Variants in SHISA9 observed in about 807,000 individuals in gnomAD.
The protein encoded by SHISA9 is protein shisa-9.
In SHISA9, 13 loss-of-function variants were observed where a neutral mutation model predicts 38.0. The observed-to-expected ratio is 0.34, with a 90% CI of 0.22 to 0.54. SHISA9 has a LOEUF of 0.54. SHISA9 is among the 20% of genes least tolerant of loss of function. SHISA9 has a pLI of 0.91. For missense variants in SHISA9, 538 were observed against 575.8 expected (o/e 0.93, Z 0.67); for synonymous variants, 275 against 242.0 (o/e 1.14, Z -1.27).
rs147640286 is a variant in SHISA9, at chr16:13,191,103, T to A, written c.692-12291T>A. 2.0e-5 allele frequency among the ~76,000 whole-genome samples: 3 copies of A among 152,322 alleles called. No individual in the cohort carries two copies. The East Asian group carries it at 5.8e-4, about 29-fold the overall frequency. ...GCTTGTGGACAGAAAAAAACCTACA[T>A]GGTATTTCAAACCATAATTTTAAGG... is the stretch of plus-strand genomic sequence containing the variant. On this transcript the variant is annotated intron_variant, in intron 2 of 4. Transcript: ENST00000558583.
chr16:13,412,594 C>T, the SHISA9 span, among the ~76,000 whole-genome samples: 22 of 152,092 alleles, frequency 1.4e-4, no homozygotes, highest in Non-Finnish European at 2.8e-4. Context: ...TGATGGCTCA[C>T]ACCTATAATC....
chr16:13,136,560 G>A (rs1489357204), intron 2 of SHISA9, among the ~76,000 whole-genome samples: 3 of 151,654 alleles, frequency 2.0e-5, no homozygotes, highest in African/African-American at 4.8e-5. Flanking sequence ...CACCACTCCC[G>A]GCTGATTTTT....
At chr16:13,362,394 C>T in the SHISA9 span, among the ~76,000 whole-genome samples, 1 of 151,756 alleles carries the variant, frequency 6.6e-6, no homozygotes, top group East Asian at 1.9e-4. Context: ...TGCCACTGCA[C>T]TCCAGCCTGG....
the SHISA9 span, among the ~76,000 whole-genome samples, chr16:13,334,422 TCTC>T: frequency 2.0e-5 from 3 of 152,176 alleles, no homozygotes; most frequent in Admixed American, 1.3e-4. Flanking sequence ...GCTTTACTCT[TCTC>T]CTCTGTAGAA....
chr16:13,201,974 C>G (rs1333867115), intron 2 of SHISA9, among the ~76,000 whole-genome samples: 3 of 111,576 alleles, frequency 2.7e-5, no homozygotes, highest in Admixed American at 9.1e-5. Context: ...TGGATGGACA[C>G]ACATGCTTCA....
chr16:12,963,299 A>G (rs2071935007), intron 2 of SHISA9, among the ~76,000 whole-genome samples: 1 of 152,226 alleles, frequency 6.6e-6, no homozygotes, highest in Admixed American at 6.5e-5. Flanking sequence ...AAGGAGATGT[A>G]AACAAGGTCA....
chr16:13,352,788 T>TG, the SHISA9 span, among the ~76,000 whole-genome samples: 8 of 76,430 alleles, frequency 1.0e-4, no homozygotes, highest in Admixed American at 4.7e-4. Context: ...CGGGCAGGAG[T>TG]GGGGGTCACA....
intron 2 of SHISA9, among the ~76,000 whole-genome samples, chr16:12,924,011 G>A (rs1161254535): frequency 6.6e-6 from 1 of 152,056 alleles, no homozygotes; most frequent in Non-Finnish European, 1.5e-5. Flanking sequence ...AACTTCAGGA[G>A]GTAGACTGAG....
the SHISA9 span, among the ~76,000 whole-genome samples, chr16:13,535,456 G>A: frequency 1.3e-5 from 2 of 152,160 alleles, no homozygotes. Flanking sequence ...GCCTAAGCCA[G>A]GGACCCACAA....
At chr16:13,519,666 G>A in the SHISA9 span, among the ~76,000 whole-genome samples, 1 of 152,166 alleles carries the variant, frequency 6.6e-6, no homozygotes, top group Non-Finnish European at 1.5e-5. Flanking sequence ...CAGTTCCACA[G>A]GGCTGGGGAG....
the SHISA9 span, among the ~76,000 whole-genome samples, chr16:13,266,507 G>A: frequency 6.6e-6 from 1 of 152,118 alleles, no homozygotes; most frequent in South Asian, 2.1e-4. Context: ...TTTGATGAGG[G>A]CAATGTTGGT....
the SHISA9 span, among the ~76,000 whole-genome samples, chr16:13,460,261 A>T: frequency 6.6e-6 from 1 of 152,120 alleles, no homozygotes; most frequent in Non-Finnish European, 1.5e-5. Flanking sequence ...CAACCTCAAA[A>T]TGAGGCTGCT....
intron 2 of SHISA9, among the ~76,000 whole-genome samples, chr16:13,077,241 TTC>T (rs200513574): frequency 3.8e-4 from 56 of 149,146 alleles, no homozygotes; most frequent in African/African-American, 1.4e-3. Flanking sequence ...CTTCTTCTTC[TTC>T]TTTTTTTTTT....
chr16:13,379,125 G>A, the SHISA9 span, among the ~76,000 whole-genome samples: 1 of 152,106 alleles, frequency 6.6e-6, no homozygotes, highest in African/African-American at 2.4e-5. Context: ...CTTCCCAGCT[G>A]GAAAGCTGCT....
chr16:12,974,318 C>T (rs2072125620), intron 2 of SHISA9, among the ~76,000 whole-genome samples: 2 of 151,714 alleles, frequency 1.3e-5, no homozygotes, highest in Non-Finnish European at 2.9e-5. Flanking sequence ...GAGGTAGTTC[C>T]CTAAAGGAAA....
chr16:13,201,902 G>C (rs183496222), intron 2 of SHISA9, among the ~76,000 whole-genome samples: 1 of 108,638 alleles, frequency 9.2e-6, no homozygotes, highest in Admixed American at 9.5e-5. Context: ...TGGGAAATGG[G>C]TTCACATACT....
the SHISA9 span, among the ~76,000 whole-genome samples, chr16:13,266,755 T>A: frequency 6.6e-6 from 1 of 152,018 alleles, no homozygotes; most frequent in Non-Finnish European, 1.5e-5. Context: ...AAAAAGGACA[T>A]CTGCAGAGGC....
At chr16:12,957,228 C>A (rs898478973) in intron 2 of SHISA9, among the ~76,000 whole-genome samples, 1 of 152,232 alleles carries the variant, frequency 6.6e-6, no homozygotes, top group African/African-American at 2.4e-5. Flanking sequence ...CTTTTAGCCT[C>A]TTTTGAACCC....
the SHISA9 span, among the ~76,000 whole-genome samples, chr16:13,443,110 C>A: frequency 8.1e-4 from 124 of 152,280 alleles, 1 homozygote; most frequent in South Asian, 5.4e-3. Flanking sequence ...TATTTTGAGA[C>A]AACATACTGT....
Sources: gnomAD v4.1 joint callset for allele counts (sites outside exome capture counted in the v4.1 genomes callset) on GRCh38, gnomAD v4.1.1 for gene constraint, MANE v1.5 for transcripts, NCBI Gene and HGNC (gene_info 2026-07-23, HGNC 2026-07-21) for gene names.